The following NAV3 variants were observed in gnomAD, a reference collection of about 807,000 sequenced individuals.
NAV3 encodes the protein pore membrane and/or filament interacting like protein 1.
A neutral mutation model predicts 244.7 loss-of-function variants in NAV3; 87 were observed. That is an observed-to-expected ratio of 0.36 (90% CI 0.30 to 0.42). The LOEUF (loss-of-function observed/expected upper bound fraction) is 0.42. Ranked by LOEUF, NAV3 falls within the 20% of genes least tolerant of loss-of-function variation. The probability of loss-of-function intolerance (pLI) is 1.00; values close to 1 mark genes in which losing one functional copy is unlikely to be tolerated. For missense variants in NAV3, 2,663 were observed against 2,893.3 expected (o/e 0.92, Z 1.83); for synonymous variants, 1,126 against 1,042.2 (o/e 1.08, Z -1.55).
At position 77,624,304 on chromosome 12, in the gene NAV3, G is replaced by A. The variant is rs546650258; in HGVS notation, c.72+52038G>A. ...TAATCGTTCATGTGAGAAACAGTAG[G>A]GGATGAGAGAACTAGCGGAAAGTTG... On this transcript the variant is annotated intron_variant, in intron 2 of 8. Transcript: ENST00000550042. 3.9e-5 allele frequency among the ~76,000 whole-genome samples: 6 copies of A among 152,242 alleles called. No individual in the cohort carries two copies. The East Asian group carries it at 5.8e-4, about 15-fold the overall frequency.
chr12:77,790,544 T>C (rs557503781), intron 2 of NAV3, among the ~76,000 whole-genome samples: 4 of 152,290 alleles, frequency 2.6e-5, no homozygotes, highest in East Asian at 1.9e-4. Flanking sequence ...TGCTGATCTT[T>C]GCAGGTGAGA....
At chr12:78,021,160 A>G (rs138936767) in intron 8 of NAV3, among the ~76,000 whole-genome samples, 204 of 152,294 alleles carry the variant, frequency 1.3e-3, no homozygotes, top group African/African-American at 4.6e-3. Flanking sequence ...CACACACACA[A>G]ATACATACCC....
At chr12:77,815,967 T>A (rs1309680205) in intron 2 of NAV3, among the ~76,000 whole-genome samples, 1 of 152,118 alleles carries the variant, frequency 6.6e-6, no homozygotes, top group Non-Finnish European at 1.5e-5. Flanking sequence ...TTATTATATG[T>A]CAAGCTGGTA....
upstream of NAV3, among the ~76,000 whole-genome samples, chr12:77,826,375 C>T (rs904863270): frequency 1.3e-5 from 2 of 151,934 alleles, no homozygotes; most frequent in Admixed American, 1.3e-4. Flanking sequence ...ATCTGTAGTC[C>T]AAGCTACGCA....
intron 2 of NAV3, among the ~76,000 whole-genome samples, chr12:77,604,039 A>T (rs1870560545): frequency 6.6e-6 from 1 of 152,194 alleles, no homozygotes; most frequent in African/African-American, 2.4e-5. Flanking sequence ...CAGAAAGCTG[A>T]TGTATCAACT....
intron 2 of NAV3, among the ~76,000 whole-genome samples, chr12:77,688,100 A>C (rs1874840776): frequency 6.6e-6 from 1 of 152,106 alleles, no homozygotes; most frequent in Non-Finnish European, 1.5e-5. Context: ...CAATTTTAAC[A>C]CATGGAAATG....
At chr12:77,850,331 G>A (rs1173703446) in intron 1 of NAV3, among the ~76,000 whole-genome samples, 1 of 152,298 alleles carries the variant, frequency 6.6e-6, no homozygotes, top group East Asian at 1.9e-4. Context: ...TCCTTGTCAA[G>A]GGTGATGTAT....
intron 1 of NAV3, among the ~76,000 whole-genome samples, chr12:77,846,213 T>C (rs1311143380): frequency 2.0e-5 from 3 of 152,210 alleles, no homozygotes; most frequent in South Asian, 2.1e-4. Context: ...TTAAAATCTA[T>C]TAATAGAGAT....
intron 2 of NAV3, among the ~76,000 whole-genome samples, chr12:77,655,252 A>C (rs1406234639): frequency 6.6e-6 from 1 of 152,206 alleles, no homozygotes. Context: ...AATACAGAGA[A>C]GTGCTTAAAG....
At chr12:77,903,384 G>A (rs1454106687) in intron 1 of NAV3, among the ~76,000 whole-genome samples, 3 of 152,148 alleles carry the variant, frequency 2.0e-5, no homozygotes, top group Non-Finnish European at 4.4e-5. Flanking sequence ...TCAAAAACAA[G>A]CAATGGGGAA....
At chr12:77,999,106 T>C (rs1376582577) in intron 7 of NAV3, among the ~76,000 whole-genome samples, 2 of 152,250 alleles carry the variant, frequency 1.3e-5, no homozygotes, top group Non-Finnish European at 2.9e-5. Context: ...TTCTCTGTGA[T>C]GTACGAAGTG....
chr12:77,865,573 T>C (rs1201859483), intron 1 of NAV3, among the ~76,000 whole-genome samples: 1 of 152,100 alleles, frequency 6.6e-6, no homozygotes, highest in Non-Finnish European at 1.5e-5. Flanking sequence ...AAAAAATTAA[T>C]TTTGTTTGAG....
intron 1 of NAV3, among the ~76,000 whole-genome samples, chr12:77,850,423 C>A (rs532383871): frequency 6.6e-6 from 1 of 152,292 alleles, no homozygotes; most frequent in African/African-American, 2.4e-5. Flanking sequence ...ATATGTTTTA[C>A]TTACAGGGAT....
At chr12:77,834,282 G>T (rs1423707914) in intron 1 of NAV3, among the ~76,000 whole-genome samples, 1 of 152,136 alleles carries the variant, frequency 6.6e-6, no homozygotes, top group Non-Finnish European at 1.5e-5. Flanking sequence ...AAAACAAGGG[G>T]TTGGGAATGG....
chr12:78,069,509 C>G (rs899371438), intron 12 of NAV3, among the ~76,000 whole-genome samples: 1 of 151,720 alleles, frequency 6.6e-6, no homozygotes, highest in East Asian at 1.9e-4. Context: ...ACCCTGCTTT[C>G]TTCACTGTAT....
At chr12:77,738,853 T>C (rs1868274418) in intron 2 of NAV3, among the ~76,000 whole-genome samples, 1 of 151,248 alleles carries the variant, frequency 6.6e-6, no homozygotes, top group African/African-American at 2.4e-5. Flanking sequence ...TACTAAAAAA[T>C]ACAAAAAAAT....
At position 77,580,219 on chromosome 12, in the gene NAV3, A is replaced by AACACAC. The variant is rs59671759; in HGVS notation, c.72+7991_72+7996dup. 5.3e-3 allele frequency among the ~76,000 whole-genome samples: 777 copies of AACACAC among 145,466 alleles called. 2 individuals are homozygous for AACACAC. The highest frequency in any genetic ancestry group is 0.014 in the Middle Eastern group (4 of 290). On this transcript the variant is annotated intron_variant, in intron 2 of 8. Coordinates refer to the NAV3 transcript ENST00000550042. ...TTTCTTTATTTGGGGGTAGGGTGGG[A>AACACAC]ACACACACACACACACACACACACA...
chr12:77,968,829 T>C (rs936983814), intron 5 of NAV3, 127 bp downstream of exon 5: 2 of 914,484 alleles, frequency 2.2e-6, no homozygotes, highest in African/African-American at 3.4e-5. Context: ...TGGGATTATT[T>C]GACTTGTGTA....
chr12:77,622,209 C>G (rs537317809), intron 2 of NAV3, among the ~76,000 whole-genome samples: 2 of 152,112 alleles, frequency 1.3e-5, no homozygotes, highest in South Asian at 4.2e-4. Context: ...TCCCAGGCTG[C>G]AGTGCAGTGG....
Sources: gnomAD v4.1 joint callset for allele counts (sites outside exome capture counted in the v4.1 genomes callset) on GRCh38, gnomAD v4.1.1 for gene constraint, MANE v1.5 for transcripts, NCBI Gene and HGNC (gene_info 2026-07-23, HGNC 2026-07-21) for gene names.